SUPT3H: variants seen among roughly 807,000 people sequenced by gnomAD.
SUPT3H encodes the protein transcription initiation protein SPT3 homolog.
In SUPT3H, 44 loss-of-function variants were observed where a neutral mutation model predicts 44.3. The ratio of observed to expected loss-of-function variants is 0.99; its 90% CI spans 0.78 to 1.28. The LOEUF (loss-of-function observed/expected upper bound fraction) is 1.28. SUPT3H is among the 50% of genes most tolerant of loss of function. The pLI is 0.00. For missense variants in SUPT3H, 380 were observed against 387.1 expected, an observed-to-expected ratio of 0.98 and a Z score of 0.15; for synonymous variants, 124 against 125.6, an observed-to-expected ratio of 0.99 and a Z score of 0.09.
intron 11 of SUPT3H, among the ~76,000 whole-genome samples, chr6:44,810,601 TA>T (rs5875892): frequency 8.9e-4 from 130 of 145,396 alleles, no homozygotes; most frequent in African/African-American, 2.6e-3. Context: ...AGCCTTTTAC[TA>T]AAAAAAAAAA....
intron 2 of SUPT3H, among the ~76,000 whole-genome samples, chr6:45,200,924 C>G (rs969849180): frequency 6.6e-6 from 1 of 151,382 alleles, no homozygotes; most frequent in Non-Finnish European, 1.5e-5. Flanking sequence ...GTAACAAAAT[C>G]AAAGTTTCTC....
intron 2 of SUPT3H, among the ~76,000 whole-genome samples, chr6:45,238,635 T>G (rs1341974823): frequency 6.6e-6 from 1 of 152,232 alleles, no homozygotes; most frequent in Non-Finnish European, 1.5e-5. Flanking sequence ...GTTGTTATTT[T>G]GTTATTGTCC....
intron 10 of SUPT3H, among the ~76,000 whole-genome samples, chr6:44,900,088 A>G (rs2153447536): frequency 6.6e-6 from 1 of 152,354 alleles, no homozygotes; most frequent in Non-Finnish European, 1.5e-5. Flanking sequence ...TACAGCTCCC[A>G]GCATAAGCGA....
intron 3 of SUPT3H, among the ~76,000 whole-genome samples, chr6:45,090,150 A>T (rs540172982): frequency 5.3e-5 from 8 of 152,240 alleles, no homozygotes; most frequent in East Asian, 3.9e-4. Flanking sequence ...TCCTGACAAC[A>T]TCATTCACAT....
chr6:45,044,901 T>C (rs1789132038), intron 3 of SUPT3H, among the ~76,000 whole-genome samples: 1 of 152,152 alleles, frequency 6.6e-6, no homozygotes, highest in African/African-American at 2.4e-5. Context: ...TAAAAATTAT[T>C]TTAGTGTTAC....
chr6:44,847,746 C>T (rs13202672), intron 10 of SUPT3H, among the ~76,000 whole-genome samples: 23,891 of 151,910 alleles, frequency 0.16, 2,288 homozygotes, highest in Admixed American at 0.28. Context: ...CCTTGGCCTC[C>T]CAAAGTGCTG....
At chr6:45,043,428 G>A (rs1440739842) in intron 3 of SUPT3H, among the ~76,000 whole-genome samples, 1 of 152,084 alleles carries the variant, frequency 6.6e-6, no homozygotes, top group Admixed American at 6.5e-5. Context: ...CCCAAGTAGT[G>A]AGCATGGTAC....
chr6:45,311,449 A>G (rs559511500), intron 2 of SUPT3H, among the ~76,000 whole-genome samples: 1 of 152,320 alleles, frequency 6.6e-6, no homozygotes, highest in African/African-American at 2.4e-5. Flanking sequence ...TCCAAATACA[A>G]GAAGCACAAA....
chr6:45,274,070 G>C (rs982415628), intron 2 of SUPT3H, among the ~76,000 whole-genome samples: 7 of 152,164 alleles, frequency 4.6e-5, no homozygotes, highest in Non-Finnish European at 7.4e-5. Context: ...ATCTTTTCAT[G>C]TGTTTATTTG....
chr6:45,323,690 T>A (rs900719560), intron 2 of SUPT3H, among the ~76,000 whole-genome samples: 1 of 152,066 alleles, frequency 6.6e-6, no homozygotes, highest in Non-Finnish European at 1.5e-5. Context: ...TATCCTCTAA[T>A]CCTATTTAAT....
At chr6:45,070,908 T>C (rs1794289083) in intron 3 of SUPT3H, among the ~76,000 whole-genome samples, 1 of 152,212 alleles carries the variant, frequency 6.6e-6, no homozygotes, top group South Asian at 2.1e-4. Context: ...AGCAGATGTA[T>C]AAGCAACAAA....
At chr6:45,128,698 T>A (rs1000370249) in intron 2 of SUPT3H, among the ~76,000 whole-genome samples, 2 of 149,922 alleles carry the variant, frequency 1.3e-5, no homozygotes, top group Non-Finnish European at 3.0e-5. Context: ...GATTCTTTTT[T>A]TTTTTGAGAC....
chr6:44,985,984 T>C (rs141833353), intron 6 of SUPT3H, among the ~76,000 whole-genome samples: 201 of 152,308 alleles, frequency 1.3e-3, no homozygotes, highest in African/African-American at 4.7e-3. Flanking sequence ...TTTTATAAAT[T>C]GTGGACTTAA....
At chr6:44,950,294 T>TA (rs1430887783) in intron 9 of SUPT3H, among the ~76,000 whole-genome samples, 2 of 152,104 alleles carry the variant, frequency 1.3e-5, no homozygotes, top group African/African-American at 2.4e-5. Flanking sequence ...TGCCCAATAC[T>TA]AAAAAAATTC....
At chr6:45,092,033 A>G (rs1384869457) in intron 3 of SUPT3H, among the ~76,000 whole-genome samples, 1 of 152,112 alleles carries the variant, frequency 6.6e-6, no homozygotes, top group East Asian at 1.9e-4. Context: ...CATACTTTAC[A>G]TTATATATTT....
At chr6:45,003,083 T>C (rs1430621890) in intron 6 of SUPT3H, among the ~76,000 whole-genome samples, 2 of 152,196 alleles carry the variant, frequency 1.3e-5, no homozygotes, top group African/African-American at 4.8e-5. Flanking sequence ...TATGTATAGA[T>C]AGCTAAGGTA....
At chr6:45,284,566 G>T (rs1413345799) in intron 2 of SUPT3H, among the ~76,000 whole-genome samples, 2 of 152,128 alleles carry the variant, frequency 1.3e-5, no homozygotes, top group Non-Finnish European at 2.9e-5. Flanking sequence ...TCTCTGAATA[G>T]ACCAATAACA....
chr6:44,853,457 C>A (rs1773224657), intron 10 of SUPT3H, among the ~76,000 whole-genome samples: 2 of 152,040 alleles, frequency 1.3e-5, no homozygotes, highest in Admixed American at 1.3e-4. Context: ...CCCAGAAGTT[C>A]CAGACCAGTC....
At chr6:45,305,663 C>T (rs1782881046) in intron 2 of SUPT3H, among the ~76,000 whole-genome samples, 1 of 152,148 alleles carries the variant, frequency 6.6e-6, no homozygotes, top group Non-Finnish European at 1.5e-5. Context: ...CAAAACCATA[C>T]ATCATGTAAC....
Sources: gnomAD v4.1 joint callset for allele counts (sites outside exome capture counted in the v4.1 genomes callset) on GRCh38, gnomAD v4.1.1 for gene constraint, MANE v1.5 for transcripts, NCBI Gene and HGNC (gene_info 2026-07-23, HGNC 2026-07-21) for gene names.